The following NRXN1 variants were observed in gnomAD, a reference collection of about 807,000 sequenced individuals.
NRXN1 encodes the protein neurexin-1.
A neutral mutation model predicts 150.9 loss-of-function variants in NRXN1; 39 were observed. The ratio of observed to expected loss-of-function variants is 0.26; its 90% confidence interval spans 0.20 to 0.34. The LOEUF is 0.34. Ranked by LOEUF, NRXN1 falls within the 10% of genes least tolerant of loss-of-function variation. The pLI is 1.00. For synonymous variants in NRXN1, 924 were observed against 757.0 expected (o/e 1.22, Z -3.62); for missense variants, 1,815 against 1,949.9 (o/e 0.93, Z 1.30).
chr2:50,275,847 C>T (rs934366397), intron 17 of NRXN1, among the ~76,000 whole-genome samples: 3 of 152,026 alleles, frequency 2.0e-5, no homozygotes, highest in African/African-American at 7.2e-5. Flanking sequence ...ACATAGTAAA[C>T]ATAGCAGTGA....
At chr2:50,919,624 T>C (rs561063951) in intron 5 of NRXN1, 1 of 151,862 alleles carries the variant, frequency 6.6e-6, no homozygotes, top group Non-Finnish European at 1.5e-5. Context: ...GATATAAAAA[T>C]TTAGGAAACA....
At chr2:50,596,537 C>T (rs867555171) in intron 8 of NRXN1, among the ~76,000 whole-genome samples, 5 of 152,198 alleles carry the variant, frequency 3.3e-5, no homozygotes, top group Non-Finnish European at 7.3e-5. Context: ...ATAGAAATGT[C>T]TAATTCCAGA....
intron 8 of NRXN1, among the ~76,000 whole-genome samples, chr2:50,580,637 T>C (rs1348194073): frequency 2.6e-5 from 4 of 152,120 alleles, no homozygotes; most frequent in Non-Finnish European, 5.9e-5. Context: ...TGGAAGAAAG[T>C]AGAGGGGTAT....
At chr2:50,169,078 T>C (rs1044064448) in intron 18 of NRXN1, among the ~76,000 whole-genome samples, 1 of 152,204 alleles carries the variant, frequency 6.6e-6, no homozygotes, top group South Asian at 2.1e-4. Flanking sequence ...ATTGAGCAAG[T>C]ACTCTGGGCT....
intron 2 of NRXN1, among the ~76,000 whole-genome samples, chr2:50,991,534 C>T (rs2104990920): frequency 6.6e-6 from 1 of 152,134 alleles, no homozygotes; most frequent in Admixed American, 6.6e-5. Flanking sequence ...TTCAGGTTGC[C>T]TTTCCATATA....
chr2:50,281,641 C>A (rs2071480845), intron 17 of NRXN1, among the ~76,000 whole-genome samples: 8 of 152,044 alleles, frequency 5.3e-5, no homozygotes, highest in Admixed American at 5.2e-4. Context: ...GTGAGGAGGT[C>A]CCCTTCCACA....
intron 5 of NRXN1, among the ~76,000 whole-genome samples, chr2:50,650,770 C>T (rs1174345041): frequency 6.6e-6 from 1 of 152,044 alleles, no homozygotes; most frequent in Non-Finnish European, 1.5e-5. Flanking sequence ...TATTTTAAAA[C>T]TCCCTCCCTG....
intron 18 of NRXN1, among the ~76,000 whole-genome samples, chr2:50,161,353 C>A (rs1368159234): frequency 1.3e-5 from 2 of 152,134 alleles, no homozygotes; most frequent in Non-Finnish European, 2.9e-5. Flanking sequence ...GAATTCAAAT[C>A]ATTTGGCTCC....
intron 5 of NRXN1, chr2:50,829,701 C>T (rs963967784): frequency 1.7e-5 from 28 of 1,603,250 alleles, no homozygotes; most frequent in Admixed American, 3.4e-5. Context: ...CCAGGCCGCC[C>T]GCACACCCAG....
intron 15 of NRXN1, among the ~76,000 whole-genome samples, chr2:50,492,609 G>A (rs1321638542): frequency 6.6e-6 from 1 of 152,136 alleles, no homozygotes; most frequent in African/African-American, 2.4e-5. Context: ...GGAGCAGGTT[G>A]AGGTTTCCCC....
intron 17 of NRXN1, among the ~76,000 whole-genome samples, chr2:50,431,570 G>A (rs1323153060): frequency 1.3e-5 from 2 of 151,992 alleles, no homozygotes; most frequent in African/African-American, 4.8e-5. Flanking sequence ...AAATTTAAAA[G>A]TATTTCACAT....
At chr2:50,867,621 G>A (rs1169387237) in intron 5 of NRXN1, among the ~76,000 whole-genome samples, 1 of 150,940 alleles carries the variant, frequency 6.6e-6, no homozygotes, top group Non-Finnish European at 1.5e-5. Flanking sequence ...TTACTTTAAT[G>A]ACAATTATCT....
At chr2:50,719,726 G>A (rs1005534506) in intron 5 of NRXN1, among the ~76,000 whole-genome samples, 10 of 152,000 alleles carry the variant, frequency 6.6e-5, no homozygotes, top group African/African-American at 2.2e-4. Flanking sequence ...TTTTTCATTG[G>A]ATTTATTCTT....
chr2:50,238,813 T>A (rs949996374), intron 17 of NRXN1, among the ~76,000 whole-genome samples: 11 of 152,016 alleles, frequency 7.2e-5, no homozygotes, highest in African/African-American at 2.7e-4. Flanking sequence ...TAAATAGGAC[T>A]TGGTATATAG....
intron 17 of NRXN1, among the ~76,000 whole-genome samples, chr2:50,310,951 A>G (rs1287903359): frequency 6.6e-6 from 1 of 152,200 alleles, no homozygotes; most frequent in African/African-American, 2.4e-5. Flanking sequence ...TATTTGAAGA[A>G]AACAAATGCA....
intron 5 of NRXN1, among the ~76,000 whole-genome samples, chr2:50,847,392 T>C (rs909833753): frequency 2.0e-5 from 3 of 152,046 alleles, no homozygotes; most frequent in Non-Finnish European, 4.4e-5. Context: ...TAAAGCTGGA[T>C]TGAAACTAGG....
chr2:50,782,695 T>C (rs1704517497), intron 5 of NRXN1, among the ~76,000 whole-genome samples: 1 of 152,138 alleles, frequency 6.6e-6, no homozygotes, highest in Non-Finnish European at 1.5e-5. Context: ...TTCAAATATT[T>C]GTGGGGGGCA....
At chr2:50,609,533 A>T (rs542008801) in intron 8 of NRXN1, among the ~76,000 whole-genome samples, 3 of 152,250 alleles carry the variant, frequency 2.0e-5, no homozygotes, top group African/African-American at 4.8e-5. Flanking sequence ...ACATAGTCTC[A>T]CTTAATCCTT....
At chr2:50,395,270 G>C (rs970918409) in intron 17 of NRXN1, among the ~76,000 whole-genome samples, 7 of 151,774 alleles carry the variant, frequency 4.6e-5, no homozygotes, top group African/African-American at 1.7e-4. Flanking sequence ...CTACGAGATT[G>C]AAATACCAGA....
Sources: gnomAD v4.1 joint callset for allele counts (sites outside exome capture counted in the v4.1 genomes callset) on GRCh38, gnomAD v4.1.1 for gene constraint, MANE v1.5 for transcripts, NCBI Gene and HGNC (gene_info 2026-07-23, HGNC 2026-07-21) for gene names.